Variants in PNPLA5 observed in about 807,000 individuals in gnomAD.
The protein encoded by PNPLA5 is patatin like domain 5, triacylglycerol lipase, also known as patatin-like phospholipase domain-containing protein 5.
Under a neutral mutation model 49.1 loss-of-function variants are expected in PNPLA5, and 44 were observed. The observed-to-expected ratio is 0.90, with a 90% confidence interval of 0.70 to 1.15. PNPLA5 has a LOEUF of 1.15. Ranked by LOEUF, PNPLA5 falls within the 50% of genes most tolerant of loss-of-function variation. The pLI is 0.00. For missense variants in PNPLA5, 603 were observed against 564.0 expected (o/e 1.07, Z -0.70); for synonymous variants, 243 against 244.4 (o/e 0.99, Z 0.06).
chr22:43,880,740 G>T lies in PNPLA5; in HGVS notation c.*55C>A. 7.9e-7 allele frequency: 1 copy of T among 1,272,132 alleles called. No homozygotes were observed. Among genetic ancestry groups the T allele is most frequent in the Non-Finnish European group, 1.0e-6 (1 of 1,002,266 alleles). The allele number at this position is 1,272,132 out of a possible 1,614,324, so 78.8% of individuals were successfully genotyped here. ...GGCAGATGTGGGCACACAGGACAAA[G>T]GCCAGAGCAGGAATCAAGGGACACC... On this transcript the variant is annotated 3_prime_UTR_variant, in exon 9 of 9. Coordinates refer to ENST00000216177, the MANE Select transcript of PNPLA5 (RefSeq NM_138814.4).
chr22:43,881,007 G>A, intron 8 of PNPLA5, 122 bp from the exon 9 acceptor site: 1 of 1,239,316 alleles, frequency 8.1e-7, no homozygotes, highest in South Asian at 4.0e-5. Flanking sequence ...CCTGCTCTGA[G>A]GGAGGACATG....
chr22:43,888,982 A>G (rs2049694626), intron 4 of PNPLA5, among the ~76,000 whole-genome samples: 2 of 152,182 alleles, frequency 1.3e-5, no homozygotes, highest in Admixed American at 1.3e-4. Flanking sequence ...GAACCATAGC[A>G]TCCTCCCCTG....
intron 4 of PNPLA5, among the ~76,000 whole-genome samples, chr22:43,888,179 C>A (rs2049685104): frequency 6.6e-6 from 1 of 152,212 alleles, no homozygotes; most frequent in Admixed American, 6.5e-5. Context: ...GAGACTTCAG[C>A]ATGGCAGTGC....
In PNPLA5 at chr22:43,891,272, C is replaced by T. The variant is rs767175208; in HGVS notation, c.216G>A (p.Leu72=). The T allele has an allele frequency of 1.9e-6, 3 of 1,558,516 alleles. No individual in the cohort carries two copies. The East Asian group carries it at 6.8e-5, about 35-fold the overall frequency. Reference sequence around the variant, plus strand: ...GCCGCTCCAACTGCCCAACCATGCCCAGGAGGTGGGAGCAGCAGAAGTCTG... The same window carrying T: ...GCCGCTCCAACTGCCCAACCATGCCTAGGAGGTGGGAGCAGCAGAAGTCTG... ...KSVDFCCSHL[L]GMVGQLERLS... Residue 72 remains leucine, a synonymous_variant, in exon 2 of 9, where the codon CTG becomes CTA. Coordinates refer to ENST00000216177, the MANE Select transcript of PNPLA5 (RefSeq NM_138814.4).
At position 43,880,888 on chromosome 22, in the gene PNPLA5, G is replaced by C. The variant is rs757461794; in HGVS notation, c.1200-3C>G. 4.5e-6 allele frequency: 6 copies of C among 1,325,118 alleles called. No homozygotes were observed. Among genetic ancestry groups the C allele is most frequent in the Non-Finnish European group, 5.8e-6 (6 of 1,029,288 alleles). The allele number at this position is 1,325,118 out of a possible 1,614,324, so 82.1% of individuals were successfully genotyped here. A position where few individuals can be genotyped will look rare whatever the true frequency, so the allele number is the denominator to read the frequency against. On this transcript the variant is annotated splice_region_variant and splice_polypyrimidine_tract_variant and intron_variant, in intron 8 of 8. Transcript: ENST00000216177. ...CCAGGACGCGAGTGGCCGGAGGGCT[G>C]TGGAGGGAGGAGAAGCCACGGGTAA...
intron 4 of PNPLA5, among the ~76,000 whole-genome samples, chr22:43,888,768 C>T (rs547877179): frequency 6.6e-6 from 1 of 152,300 alleles, no homozygotes; most frequent in East Asian, 1.9e-4. Flanking sequence ...GTCAAATTAT[C>T]TGTTTTCCAG....
rs371127662 is a variant in PNPLA5, at chr22:43,890,492, A to G, written c.426+570T>C. On this transcript the variant is annotated intron_variant, in intron 2 of 8. Coordinates refer to ENST00000216177, the MANE Select transcript of PNPLA5 (RefSeq NM_138814.4). ...GTGCGCGTACACACTATTGGCAAAT[A>G]ATAGTGTCAGGGTGTATGTGAAGCA... Among the ~76,000 whole-genome samples, 5 of 152,324 alleles carry G rather than the reference A, an allele frequency of 3.3e-5. No individual in the cohort carries two copies. In the South Asian group the frequency reaches 1.0e-3, roughly 32 times the overall value.
intron 2 of PNPLA5, among the ~76,000 whole-genome samples, chr22:43,890,707 T>TA (rs1159115004): frequency 6.6e-6 from 1 of 152,126 alleles, no homozygotes; most frequent in African/African-American, 2.4e-5. Context: ...TGGCACATAA[T>TA]AGGTGTTCAA....
At chr22:43,888,940 G>C (rs1229732197) in intron 4 of PNPLA5, among the ~76,000 whole-genome samples, 5 of 152,198 alleles carry the variant, frequency 3.3e-5, no homozygotes, top group Non-Finnish European at 7.3e-5. Flanking sequence ...CTTCCAGTCT[G>C]TGTGACTTTG....
chr22:43,886,722 G>C, intron 5 of PNPLA5: 1 of 576,160 alleles, frequency 1.7e-6, no homozygotes, highest in Non-Finnish European at 2.2e-6. Context: ...ACACAATCCA[G>C]AGTTCGAATT....
intron 4 of PNPLA5, among the ~76,000 whole-genome samples, chr22:43,888,372 G>GTGTGTC (rs1569507380): frequency 2.1e-4 from 1 of 4,828 alleles, no homozygotes; most frequent in African/African-American, 1.1e-3. Context: ...GGGCAGAGGA[G>GTGTGTC]TGTGTGTGTG....
chr22:43,882,280 G>A (rs977746877), intron 7 of PNPLA5, among the ~76,000 whole-genome samples: 1 of 152,196 alleles, frequency 6.6e-6, no homozygotes, highest in Non-Finnish European at 1.5e-5. Flanking sequence ...CCAGATTCAG[G>A]GTCCTTGGAA....
At chr22:43,885,363 C>T (rs1041853016) in intron 6 of PNPLA5, among the ~76,000 whole-genome samples, 1 of 151,882 alleles carries the variant, frequency 6.6e-6, no homozygotes, top group Non-Finnish European at 1.5e-5. Context: ...CCCTCTCCTC[C>T]CAGCCTCCCA....
chr22:43,888,134 G>A (rs2049684696), intron 4 of PNPLA5, among the ~76,000 whole-genome samples: 1 of 152,204 alleles, frequency 6.6e-6, no homozygotes, highest in African/African-American at 2.4e-5. Flanking sequence ...TCCCACTGGT[G>A]GCAAAGGGTG....
In PNPLA5 at chr22:43,880,577, C is replaced by T; in HGVS notation, c.*218G>A. On this transcript the variant is annotated 3_prime_UTR_variant, in exon 9 of 9. Transcript: ENST00000216177. ...CTCTGTGGCTGTCCTCCTTTCTCTC[C>T]CTGATGAGACGGGGCAAGAGGGAGG... 2.4e-6 allele frequency: 1 copy of T among 410,998 alleles called. No individual in the cohort carries two copies. Among genetic ancestry groups the T allele is most frequent in the Non-Finnish European group, 4.2e-6 (1 of 237,288 alleles). The allele number at this position is 410,998 out of a possible 1,614,324, so 25.5% of individuals were successfully genotyped here.
rs930858672 is a variant in PNPLA5 at position 43,880,724 on chromosome 22, G to C, written c.*71C>G. On this transcript the variant is annotated 3_prime_UTR_variant, in exon 9 of 9. Transcript: ENST00000216177. ...GGCCTCTTCCCGCTGGGGCAGATGTGGGCACACAGGACAAAGGCCAGAGCA... is the reference window on the plus strand; with the variant it reads ...GGCCTCTTCCCGCTGGGGCAGATGTCGGCACACAGGACAAAGGCCAGAGCA... 3.2e-6 allele frequency: 4 copies of C among 1,232,570 alleles called. No homozygotes were observed. The African/African-American group carries it at 6.2e-5, about 19-fold the overall frequency. 76.4% of individuals were successfully genotyped at this position (1,232,570 alleles called of 1,614,324 possible). A position where few individuals can be genotyped will look rare whatever the true frequency, so the allele number is the denominator to read the frequency against.
intron 4 of PNPLA5, 31 bp from the exon 5 acceptor site, chr22:43,887,682 G>C (rs765892940): frequency 4.4e-6 from 7 of 1,581,562 alleles, no homozygotes; most frequent in African/African-American, 1.3e-5. Context: ...GGTGAGATGG[G>C]CAAGGCCTGG....
chr22:43,880,364 G>A lies in PNPLA5; in HGVS notation c.*431C>T. ...CAAGGGCCGCTGCAGGACTGAGAAA[G>A]TCTGGGGGGAGCACCCCCACCCCAT... On this transcript the variant is annotated 3_prime_UTR_variant, in exon 9 of 9. Coordinates refer to ENST00000216177, the MANE Select transcript of PNPLA5 (RefSeq NM_138814.4). 3 of 398,734 alleles carry A rather than the reference G, an allele frequency of 7.5e-6. No individual in the cohort carries two copies. The highest frequency in any genetic ancestry group is 3.6e-5 in the East Asian group (1 of 28,054). 24.7% of individuals were successfully genotyped at this position (398,734 alleles called of 1,614,324 possible). A position where few individuals can be genotyped will look rare whatever the true frequency, so the allele number is the denominator to read the frequency against.
At chr22:43,890,079 G>T (rs2049708008) in intron 2 of PNPLA5, 1 of 985,432 alleles carries the variant, frequency 1.0e-6, no homozygotes, top group African/African-American at 1.7e-5. Flanking sequence ...TCTTTCTGTG[G>T]GTGTGCAGGG....
Sources: gnomAD v4.1 joint callset for allele counts (sites outside exome capture counted in the v4.1 genomes callset) on GRCh38, gnomAD v4.1.1 for gene constraint, MANE v1.5 for transcripts, NCBI Gene and HGNC (gene_info 2026-07-23, HGNC 2026-07-21) for gene names.